The following RNLS variants were observed in gnomAD, a reference collection of about 807,000 sequenced individuals.
RNLS encodes renalase.
Under a neutral mutation model 39.8 loss-of-function variants are expected in RNLS, and 39 were observed. That is an observed-to-expected ratio of 0.98 (90% CI 0.76 to 1.28). The LOEUF (loss-of-function observed/expected upper bound fraction) is 1.28, where lower values mean the gene tolerates loss of function less well. Among genes scored for constraint, RNLS ranks in the 50% most tolerant of loss-of-function variants. The pLI is 0.00. For missense variants in RNLS, 410 were observed against 413.3 expected (o/e 0.99, Z 0.07); for synonymous variants, 147 against 150.7 (o/e 0.98, Z 0.18).
intron 4 of RNLS, among the ~76,000 whole-genome samples, chr10:88,367,381 G>T (rs1268544630): frequency 6.6e-6 from 1 of 152,094 alleles, no homozygotes; most frequent in Admixed American, 6.6e-5. Context: ...TTATATAAAT[G>T]TTGTTAGATG....
chr10:88,200,914 C>T, the RNLS span, among the ~76,000 whole-genome samples: 4 of 152,060 alleles, frequency 2.6e-5, no homozygotes, highest in Admixed American at 2.6e-4. Context: ...TCTTAGGCTT[C>T]CAGTGCCACT....
At chr10:88,199,856 T>C in the RNLS span, among the ~76,000 whole-genome samples, 1 of 152,036 alleles carries the variant, frequency 6.6e-6, no homozygotes, top group Non-Finnish European at 1.5e-5. Context: ...CCCTGACGAG[T>C]GGTGGCTCAT....
intron 4 of RNLS, among the ~76,000 whole-genome samples, chr10:88,474,879 C>T (rs549037728): frequency 1.3e-5 from 2 of 152,234 alleles, no homozygotes; most frequent in East Asian, 3.9e-4. Flanking sequence ...TAAGGCCAGA[C>T]TCCTGAGACT....
At chr10:88,303,852 A>C (rs1844721625) in intron 6 of RNLS, among the ~76,000 whole-genome samples, 1 of 152,180 alleles carries the variant, frequency 6.6e-6, no homozygotes. Flanking sequence ...CCCCAGGCCA[A>C]GACCACTTCC....
chr10:88,400,423 T>G (rs1852842968), intron 4 of RNLS, among the ~76,000 whole-genome samples: 1 of 151,998 alleles, frequency 6.6e-6, no homozygotes, highest in African/African-American at 2.4e-5. Context: ...TTGTATATAC[T>G]GTTCACTCCA....
intron 4 of RNLS, among the ~76,000 whole-genome samples, chr10:88,535,572 C>T (rs1323920113): frequency 6.6e-6 from 1 of 151,648 alleles, no homozygotes; most frequent in African/African-American, 2.4e-5. Context: ...ACATCCTGCA[C>T]ATGTACCCCT....
chr10:88,253,444 G>C, the RNLS span, among the ~76,000 whole-genome samples: 1 of 152,194 alleles, frequency 6.6e-6, no homozygotes, highest in East Asian at 1.9e-4. Flanking sequence ...GTGGCAACTG[G>C]GGACAGGGGT....
chr10:88,379,383 A>G (rs1262344698), intron 4 of RNLS, among the ~76,000 whole-genome samples: 2 of 152,092 alleles, frequency 1.3e-5, no homozygotes, highest in Non-Finnish European at 2.9e-5. Flanking sequence ...CCCCCAGACC[A>G]AGGTGTTTTT....
downstream of RNLS, among the ~76,000 whole-genome samples, chr10:88,269,494 C>T (rs1185737092): frequency 1.6e-4 from 25 of 152,258 alleles, no homozygotes; most frequent in Admixed American, 3.9e-4. Context: ...GTCATTCTTA[C>T]CCATCATCAA....
the RNLS span, among the ~76,000 whole-genome samples, chr10:88,268,456 A>G: frequency 1.3e-5 from 2 of 152,348 alleles, no homozygotes; most frequent in South Asian, 2.1e-4. Context: ...AAACCATGCA[A>G]TAGGACCATG....
At chr10:88,360,964 A>G (rs1019794759) in intron 5 of RNLS, among the ~76,000 whole-genome samples, 1 of 152,212 alleles carries the variant, frequency 6.6e-6, no homozygotes, top group African/African-American at 2.4e-5. Flanking sequence ...CCATAACAAA[A>G]TACCATAGAC....
chr10:88,229,988 A>G, the RNLS span, among the ~76,000 whole-genome samples: 2 of 152,156 alleles, frequency 1.3e-5, no homozygotes, highest in Non-Finnish European at 2.9e-5. Flanking sequence ...TATGCCTAAT[A>G]CAATCCCTGG....
intron 4 of RNLS, among the ~76,000 whole-genome samples, chr10:88,531,715 C>G (rs1194543560): frequency 6.6e-6 from 1 of 152,068 alleles, no homozygotes; most frequent in Non-Finnish European, 1.5e-5. Flanking sequence ...AAAGCTCATT[C>G]CACTATCCCA....
rs200331376 is a variant in RNLS at position 88,469,822 on chromosome 10, C to T, written c.526+103081G>A. Among the ~76,000 whole-genome samples the T allele has an allele frequency of 2.2e-3, 302 of 138,132 alleles. 1 individual carries two copies. Among genetic ancestry groups the T allele is most frequent in the African/African-American group, 7.5e-3 (268 of 35,756 alleles). The allele number at this position is 138,132 out of a possible 152,430, so 90.6% of individuals were successfully genotyped here. A position where few individuals can be genotyped will look rare whatever the true frequency, so the allele number is the denominator to read the frequency against. The stretch of plus-strand genomic sequence containing the variant: ...ATGGGTCAATATTTTTATGTGTGTG[C>T]GTGTGTGTGTGTGTGTGTGTGTGTG... On this transcript the variant is annotated intron_variant, in intron 4 of 6. Transcript: ENST00000331772.
the RNLS span, among the ~76,000 whole-genome samples, chr10:88,210,490 C>T: frequency 2.6e-5 from 4 of 152,164 alleles, no homozygotes; most frequent in Non-Finnish European, 5.9e-5. Flanking sequence ...TATTCAGAGA[C>T]GACTCATGGC....
intron 6 of RNLS, among the ~76,000 whole-genome samples, chr10:88,277,642 C>T (rs191618095): frequency 3.9e-5 from 6 of 152,242 alleles, no homozygotes; most frequent in African/African-American, 2.4e-5. Context: ...AGTTGGTGCA[C>T]CTGAGTTTTC....
chr10:88,417,459 T>C (rs956217528), intron 4 of RNLS, among the ~76,000 whole-genome samples: 1 of 152,238 alleles, frequency 6.6e-6, no homozygotes, highest in African/African-American at 2.4e-5. Flanking sequence ...GGAGAATTTT[T>C]ATCAGTAAAA....
chr10:88,294,045 C>T (rs1419562114), intron 6 of RNLS, among the ~76,000 whole-genome samples: 2 of 152,094 alleles, frequency 1.3e-5, no homozygotes, highest in Non-Finnish European at 2.9e-5. Context: ...TAGGTAGTAA[C>T]CATCTAAGGG....
At chr10:88,574,651 A>C (rs1850051646) in intron 3 of RNLS, among the ~76,000 whole-genome samples, 1 of 152,204 alleles carries the variant, frequency 6.6e-6, no homozygotes, top group African/African-American at 2.4e-5. Context: ...ATCAAATGTA[A>C]ATGTTAGAAG....
Sources: gnomAD v4.1 joint callset for allele counts (sites outside exome capture counted in the v4.1 genomes callset) on GRCh38, gnomAD v4.1.1 for gene constraint, MANE v1.5 for transcripts, NCBI Gene and HGNC (gene_info 2026-07-23, HGNC 2026-07-21) for gene names.